Variants in ZMYM5 observed in about 807,000 individuals in gnomAD.
ZMYM5 encodes the protein zinc finger MYM-type containing 5.
A neutral mutation model predicts 61.8 loss-of-function variants in ZMYM5; 41 were observed. That is an observed-to-expected ratio of 0.66 (90% confidence interval 0.52 to 0.86). The LOEUF is 0.86. ZMYM5 is among the 40% of genes least tolerant of loss of function. The pLI is 0.00. For missense variants in ZMYM5, 706 were observed against 786.7 expected, an observed-to-expected ratio of 0.90 and a Z score of 1.23; for synonymous variants, 257 against 276.4, an observed-to-expected ratio of 0.93 and a Z score of 0.70.
chr13:19,861,698 A>C (rs1953768383), intron 2 of ZMYM5, among the ~76,000 whole-genome samples: 1 of 152,192 alleles, frequency 6.6e-6, no homozygotes, highest in African/African-American at 2.4e-5. Context: ...TAAAAATAGA[A>C]GTAAAGCTTG....
intron 4 of ZMYM5, among the ~76,000 whole-genome samples, chr13:19,848,456 A>AT (rs1953164352): frequency 6.6e-6 from 1 of 151,604 alleles, no homozygotes. Context: ...CATTATTATT[A>AT]TTTTTTAAAG....
At chr13:19,854,378 A>G (rs1387363074) in intron 2 of ZMYM5, among the ~76,000 whole-genome samples, 1 of 152,188 alleles carries the variant, frequency 6.6e-6, no homozygotes, top group African/African-American at 2.4e-5. Context: ...TAATCCCAGT[A>G]CTTTGAGAGG....
chr13:19,840,967 G>A (rs539576675), intron 4 of ZMYM5, among the ~76,000 whole-genome samples: 2 of 148,584 alleles, frequency 1.3e-5, no homozygotes, highest in African/African-American at 4.9e-5. Context: ...CTGAGCCACC[G>A]CGCCCGGCCC....
At chr13:19,843,641 G>A (rs1952966331) in intron 4 of ZMYM5, 1 of 151,520 alleles carries the variant, frequency 6.6e-6, no homozygotes, top group Admixed American at 6.6e-5. Context: ...TTCGAGACCA[G>A]TCCGGGCAAC....
At chr13:19,858,765 C>T (rs993528899) in intron 2 of ZMYM5, among the ~76,000 whole-genome samples, 1 of 151,992 alleles carries the variant, frequency 6.6e-6, no homozygotes, top group African/African-American at 2.4e-5. Context: ...CTGAGATAGC[C>T]AGAGTCTAAA....
At chr13:19,825,663 G>GA (rs561156197) in intron 7 of ZMYM5, among the ~76,000 whole-genome samples, 26 of 87,414 alleles carry the variant, frequency 3.0e-4, no homozygotes, top group South Asian at 1.3e-3. Context: ...AGAAGAAGAA[G>GA]AAAAAAAAAA....
chr13:19,861,168 A>G (rs2138674052), intron 2 of ZMYM5, among the ~76,000 whole-genome samples: 1 of 151,904 alleles, frequency 6.6e-6, no homozygotes, highest in East Asian at 1.9e-4. Flanking sequence ...ATTTTTTTTG[A>G]GACAGACTCT....
intron 1 of ZMYM5, among the ~76,000 whole-genome samples, chr13:19,862,830 A>G (rs1193410532): frequency 1.3e-5 from 2 of 152,190 alleles, no homozygotes; most frequent in Non-Finnish European, 2.9e-5. Flanking sequence ...GCACCATTTC[A>G]GAGGTAACGG....
chr13:19,856,998 C>T (rs1256179129), intron 2 of ZMYM5, among the ~76,000 whole-genome samples: 3 of 151,796 alleles, frequency 2.0e-5, no homozygotes, highest in Admixed American at 6.6e-5. Context: ...CCCAGCTACT[C>T]GGGAGGCTGA....
At chr13:19,839,960 G>A (rs183836520) in intron 4 of ZMYM5, among the ~76,000 whole-genome samples, 11 of 152,094 alleles carry the variant, frequency 7.2e-5, no homozygotes, top group South Asian at 2.1e-4. Flanking sequence ...ACTTATAGGC[G>A]AGATCCTTCT....
intron 2 of ZMYM5, among the ~76,000 whole-genome samples, chr13:19,859,466 G>C (rs530956053): frequency 6.6e-6 from 1 of 151,942 alleles, no homozygotes; most frequent in East Asian, 2.0e-4. Flanking sequence ...GCAGTGGCGC[G>C]ATCTTGGCTC....
At chr13:19,845,253 C>A (rs1475812625) in intron 4 of ZMYM5, among the ~76,000 whole-genome samples, 1 of 152,060 alleles carries the variant, frequency 6.6e-6, no homozygotes, top group Non-Finnish European at 1.5e-5. Flanking sequence ...TTGTATTCAG[C>A]CTTGTATTAG....
chr13:19,860,984 CT>C (rs1214406837), intron 2 of ZMYM5, among the ~76,000 whole-genome samples: 83 of 137,054 alleles, frequency 6.1e-4, no homozygotes, highest in Non-Finnish European at 7.1e-4. Context: ...ATGGACCAGG[CT>C]TTTTTTTTTT....
intron 4 of ZMYM5, among the ~76,000 whole-genome samples, chr13:19,851,146 C>T (rs1455862401): frequency 3.3e-5 from 5 of 152,050 alleles, no homozygotes; most frequent in African/African-American, 4.8e-5. Context: ...ACCTGGGAGG[C>T]GGAGGTTGCA....
At chr13:19,861,831 T>C (rs542612214) in intron 2 of ZMYM5, among the ~76,000 whole-genome samples, 5 of 149,710 alleles carry the variant, frequency 3.3e-5, no homozygotes, top group African/African-American at 7.4e-5. Context: ...AATGAACACA[T>C]AGATCACTGT....
At chr13:19,860,285 C>T (rs1440405940) in intron 2 of ZMYM5, among the ~76,000 whole-genome samples, 4 of 149,480 alleles carry the variant, frequency 2.7e-5, no homozygotes, top group South Asian at 2.1e-4. Context: ...ACCAGCACAC[C>T]CGTTTAATTT....
chr13:19,849,450 T>C (rs745665929), intron 4 of ZMYM5, among the ~76,000 whole-genome samples: 14 of 152,116 alleles, frequency 9.2e-5, no homozygotes, highest in Non-Finnish European at 1.8e-4. Context: ...CATAAAATAT[T>C]AGCATTTAGA....
At chr13:19,863,188 A>ACCCCGCCCCGCC (rs1468533295) in intron 1 of ZMYM5, among the ~76,000 whole-genome samples, 5 of 138,496 alleles carry the variant, frequency 3.6e-5, no homozygotes, top group Non-Finnish European at 7.9e-5. Context: ...GGCGGCCGGC[A>ACCCCGCCCCGCC]ACCCGCCCCG....
chr13:19,851,175 A>G (rs367953748), intron 4 of ZMYM5, among the ~76,000 whole-genome samples, 180 bp downstream of exon 4: 4 of 152,178 alleles, frequency 2.6e-5, no homozygotes, highest in African/African-American at 9.6e-5. Context: ...AGATTGCGCC[A>G]TTGTACTCCA....
Sources: gnomAD v4.1 joint callset for allele counts (sites outside exome capture counted in the v4.1 genomes callset) on GRCh38, gnomAD v4.1.1 for gene constraint, MANE v1.5 for transcripts, NCBI Gene and HGNC (gene_info 2026-07-23, HGNC 2026-07-21) for gene names.